Variants in ZFYVE28 observed in about 807,000 individuals in gnomAD.
The protein encoded by ZFYVE28 is zinc finger FYVE-type containing 28.
In ZFYVE28, 40 loss-of-function variants were observed where a neutral mutation model predicts 82.1. That is an observed-to-expected ratio of 0.49 (90% CI 0.38 to 0.63). ZFYVE28 has a LOEUF of 0.63. ZFYVE28 is among the 30% of genes least tolerant of loss of function. The pLI is 0.00. For missense variants in ZFYVE28, 1,321 were observed against 1,242.1 expected (o/e 1.06, Z -0.96); for synonymous variants, 612 against 546.1 (o/e 1.12, Z -1.68).
In ZFYVE28 at chr4:2,320,985, C is replaced by T. The variant is rs929572522; in HGVS notation, c.702-714G>A. 1.3e-5 allele frequency among the ~76,000 whole-genome samples: 2 copies of T among 152,252 alleles called. No individual in the cohort carries two copies. Among genetic ancestry groups the T allele is most frequent in the South Asian group, 4.1e-4 (2 of 4,822 alleles). ...GTGGCACCCACTCCTCTCCACGCAC[C>T]GTCCAGCCCTGCCAAGCTCCGAGTG... is the stretch of plus-strand genomic sequence containing the variant. On this transcript the variant is annotated intron_variant, in intron 6 of 12. Coordinates refer to ENST00000290974, the MANE Select transcript of ZFYVE28 (RefSeq NM_020972.3). The surrounding 1 kb of genome is among the most constrained non-coding windows in gnomAD (Gnocchi z 5.1).
intron 6 of ZFYVE28, chr4:2,329,089 G>A: frequency 1.4e-6 from 1 of 694,338 alleles, no homozygotes; most frequent in Non-Finnish European, 2.6e-6. Context: ...TATTGTTTTG[G>A]CTATTTAGGG....
intron 8 of ZFYVE28, 128 bp downstream of exon 8, chr4:2,304,161 A>G: frequency 8.2e-7 from 1 of 1,218,908 alleles, no homozygotes. Context: ...ACACTCGGCC[A>G]GGGCCCAGCA....
chr4:2,370,698 G>A (rs1311786820), intron 1 of ZFYVE28, among the ~76,000 whole-genome samples: 1 of 152,198 alleles, frequency 6.6e-6, no homozygotes, highest in East Asian at 1.9e-4. Flanking sequence ...CATGCCTGCT[G>A]CCACCCCCAC....
At chr4:2,316,576 A>G (rs1000984498) in intron 7 of ZFYVE28, 1 of 151,904 alleles carries the variant, frequency 6.6e-6, no homozygotes, top group Admixed American at 6.6e-5. Context: ...GCCCCCTTCT[A>G]TTTTCTTTAA....
Position 2,335,561 on chromosome 4 carries a change from G to C in ZFYVE28, c.701+144C>G, listed in dbSNP as rs1721551035. ...CCTGGTCTGCTGAGGGCTGACAGCA[G>C]GCCTGCCTGTCACTGATCGGGACAG... On this transcript the variant is annotated intron_variant, in intron 6 of 12. Transcript: ENST00000290974. The surrounding 1 kb of genome is among the most constrained non-coding windows in gnomAD (Gnocchi z 5.8). The C allele has an allele frequency of 1.4e-6, 1 of 728,210 alleles. No individual in the cohort carries two copies. Among genetic ancestry groups the C allele is most frequent in the East Asian group, 2.7e-5 (1 of 36,618 alleles). 45.1% of individuals were successfully genotyped at this position (728,210 alleles called of 1,614,324 possible).
At chr4:2,402,489 A>T (rs1463169718) in intron 1 of ZFYVE28, among the ~76,000 whole-genome samples, 8 of 152,164 alleles carry the variant, frequency 5.3e-5, no homozygotes, top group Admixed American at 2.6e-4. Flanking sequence ...AGCGGCAAAA[A>T]CTAGCAGAAC....
rs1257893502 is a variant in ZFYVE28 at position 2,409,285 on chromosome 4, C to G, written c.39+9000G>C. ...TCCATCTACTTTCTCCATCCAGAGT[C>G]GCCTGCTGCCATCCTCTCGCTGGAA... On this transcript the variant is annotated intron_variant, in intron 1 of 12. Coordinates refer to ENST00000290974, the MANE Select transcript of ZFYVE28 (RefSeq NM_020972.3). This position sits in a 1 kb window ranked among gnomAD's most constrained non-coding sequence, Gnocchi z 4.4. Among the ~76,000 whole-genome samples the G allele has an allele frequency of 6.6e-6, 1 of 151,428 alleles. No homozygotes were observed.
In ZFYVE28 at chr4:2,340,409, G is replaced by T. The variant is rs554808963; in HGVS notation, c.319-754C>A. ...AGGCCCTGGTAGACCTGTTGTCACA[G>T]GGAGGCTTGTCTAGAGGCCGGGGCC... On this transcript the variant is annotated intron_variant, in intron 3 of 12. Coordinates refer to ENST00000290974, the MANE Select transcript of ZFYVE28 (RefSeq NM_020972.3). Among the ~76,000 whole-genome samples, 7 of 152,330 alleles carry T rather than the reference G, an allele frequency of 4.6e-5. No homozygotes were observed. In the South Asian group the frequency reaches 1.4e-3, roughly 32 times the overall value.
intron 1 of ZFYVE28, among the ~76,000 whole-genome samples, chr4:2,371,637 G>A (rs1051644143): frequency 3.9e-5 from 6 of 152,056 alleles, no homozygotes; most frequent in South Asian, 2.1e-4. Context: ...AGGGGCTCCC[G>A]GCAGGGCAAA....
intron 8 of ZFYVE28, among the ~76,000 whole-genome samples, chr4:2,290,413 A>G (rs1713443890): frequency 6.6e-6 from 1 of 152,198 alleles, no homozygotes; most frequent in Non-Finnish European, 1.5e-5. Context: ...CCCAAGGGCC[A>G]CTTTGCCAGT....
intron 6 of ZFYVE28, among the ~76,000 whole-genome samples, chr4:2,325,901 A>G (rs529361580): frequency 6.6e-6 from 1 of 151,384 alleles, no homozygotes; most frequent in Non-Finnish European, 1.5e-5. Flanking sequence ...TCTCTTACCC[A>G]TATTTTTTTT....
chr4:2,312,873 C>T (rs917723116), intron 7 of ZFYVE28, among the ~76,000 whole-genome samples: 1 of 151,842 alleles, frequency 6.6e-6, no homozygotes, highest in Non-Finnish European at 1.5e-5. Flanking sequence ...GGTGAAACCC[C>T]GTTTCTACTA....
At position 2,292,176 on chromosome 4, in the gene ZFYVE28, G is replaced by A. The variant is rs533339964; in HGVS notation, c.2051+12113C>T. Among the ~76,000 whole-genome samples, 305 of 152,280 alleles carry A rather than the reference G, an allele frequency of 2.0e-3. 3 individuals are homozygous for A. Among genetic ancestry groups the A allele is most frequent in the African/African-American group, 7.1e-3 (296 of 41,546 alleles). ...CCTGGGATGGGTCCTGCAGGCGGCC[G>A]GAGAGCTGGGTTGGAAGGGATGGCC... On this transcript the variant is annotated intron_variant, in intron 8 of 12. Coordinates refer to ENST00000290974, the MANE Select transcript of ZFYVE28 (RefSeq NM_020972.3).
chr4:2,380,355 C>T (rs910055596), intron 1 of ZFYVE28, among the ~76,000 whole-genome samples: 10 of 152,108 alleles, frequency 6.6e-5, no homozygotes, highest in African/African-American at 1.2e-4. Flanking sequence ...TTAGCAGGAG[C>T]GGGGAGAGCA....
At chr4:2,385,814 T>A (rs1055332142) in intron 1 of ZFYVE28, among the ~76,000 whole-genome samples, 4 of 152,134 alleles carry the variant, frequency 2.6e-5, no homozygotes, top group African/African-American at 9.7e-5. Flanking sequence ...TGCTCCCAGC[T>A]CCTTGCTTAA....
chr4:2,383,747 T>G (rs1287081461), intron 1 of ZFYVE28, among the ~76,000 whole-genome samples: 1 of 152,130 alleles, frequency 6.6e-6, no homozygotes, highest in Non-Finnish European at 1.5e-5. Context: ...TTCACATTGG[T>G]TGGGATTTTC....
chr4:2,273,741 T>G (rs757299047), intron 9 of ZFYVE28, among the ~76,000 whole-genome samples: 1 of 152,084 alleles, frequency 6.6e-6, no homozygotes, highest in Non-Finnish European at 1.5e-5. Flanking sequence ...CCCAGCAGCC[T>G]ACGTGGCTGG....
chr4:2,370,448 TG>T (rs1441310729), intron 1 of ZFYVE28, among the ~76,000 whole-genome samples: 21 of 152,130 alleles, frequency 1.4e-4, no homozygotes, highest in African/African-American at 5.1e-4. Context: ...AGCTCACACT[TG>T]GGGGTAGGGA....
At chr4:2,311,628 T>G (rs1162966287) in intron 7 of ZFYVE28, among the ~76,000 whole-genome samples, 1 of 152,246 alleles carries the variant, frequency 6.6e-6, no homozygotes, top group Non-Finnish European at 1.5e-5. Flanking sequence ...TCTTTTCTCC[T>G]GCTTTCTTGA....
Sources: gnomAD v4.1 joint callset for allele counts (sites outside exome capture counted in the v4.1 genomes callset) on GRCh38, gnomAD v4.1.1 for gene constraint, Gnocchi (gnomAD v3.1) non-coding constraint, MANE v1.5 for transcripts, NCBI Gene and HGNC (gene_info 2026-07-23, HGNC 2026-07-21) for gene names.